Variants in ADCK1 observed in about 807,000 individuals in gnomAD.
ADCK1 encodes the protein aarF domain containing kinase 1.
Under a neutral mutation model 52.3 loss-of-function variants are expected in ADCK1, and 41 were observed. The ratio of observed to expected loss-of-function variants is 0.78; its 90% CI spans 0.61 to 1.02. The LOEUF is 1.02. Ranked by LOEUF, ADCK1 falls within the 50% of genes least tolerant of loss-of-function variation. The pLI is 0.00. For synonymous variants in ADCK1, 250 were observed against 274.6 expected (o/e 0.91, Z 0.89); for missense variants, 658 against 679.5 (o/e 0.97, Z 0.35).
chr14:77,928,554 C>T (rs1385171849), intron 9 of ADCK1, among the ~76,000 whole-genome samples: 1 of 151,866 alleles, frequency 6.6e-6, no homozygotes, highest in Non-Finnish European at 1.5e-5. Flanking sequence ...CTCTGCCTCC[C>T]AGGTTCAAGC....
rs1429502589 is a variant in ADCK1, at chr14:77,887,108, G to T, written c.441G>T (p.Gln147His). The change falls in exon 5 of 11, where the codon CAG (glutamine) becomes CAT (histidine). Residue 147 changes from glutamine (Q) to histidine (H), a missense_variant. Coordinates refer to ENST00000238561, the MANE Select transcript of ADCK1 (RefSeq NM_020421.4). ...CCCGACAGATCCATGATTTGTTCCA[G>T]AGCTTCGATGACACCCCTCTGGGGA... ...DLGKEIHDLF[Q>H]SFDDTPLGTA... 6.3e-7 allele frequency: 1 copy of T among 1,594,156 alleles called. No homozygotes were observed.
intron 7 of ADCK1, among the ~76,000 whole-genome samples, chr14:77,911,863 A>G (rs947973747): frequency 1.3e-5 from 2 of 152,096 alleles, no homozygotes; most frequent in Non-Finnish European, 2.9e-5. Flanking sequence ...AGAGACTCAG[A>G]GAGGGAAGAT....
intron 3 of ADCK1, among the ~76,000 whole-genome samples, chr14:77,854,118 A>C (rs2082367644): frequency 6.6e-6 from 1 of 152,224 alleles, no homozygotes; most frequent in South Asian, 2.1e-4. Context: ...TTTTGGAAGA[A>C]ATGTCAAGGT....
chr14:77,904,286 G>T (rs949100183), intron 6 of ADCK1, among the ~76,000 whole-genome samples: 1 of 152,228 alleles, frequency 6.6e-6, no homozygotes, highest in Non-Finnish European at 1.5e-5. Context: ...CGGAGGTGGG[G>T]TTGTGCTTCC....
At chr14:77,849,534 G>A (rs8006218) in intron 3 of ADCK1, among the ~76,000 whole-genome samples, 1 of 151,866 alleles carries the variant, frequency 6.6e-6, no homozygotes, top group South Asian at 2.1e-4. Context: ...CTTGACCTCC[G>A]GGGCTCAAGC....
intron 10 of ADCK1, among the ~76,000 whole-genome samples, chr14:77,932,433 A>G (rs1172857596): frequency 6.6e-6 from 1 of 152,294 alleles, no homozygotes; most frequent in East Asian, 1.9e-4. Context: ...TCCAGAGGAA[A>G]GAGGGTTTCA....
chr14:77,860,441 C>T (rs1258162177), intron 4 of ADCK1, among the ~76,000 whole-genome samples: 1 of 152,204 alleles, frequency 6.6e-6, no homozygotes, highest in East Asian at 1.9e-4. Flanking sequence ...CTGGCACTGA[C>T]TATTGGTCCC....
At chr14:77,847,027 A>G (rs942645268) in intron 3 of ADCK1, among the ~76,000 whole-genome samples, 1 of 152,056 alleles carries the variant, frequency 6.6e-6, no homozygotes, top group Admixed American at 6.6e-5. Flanking sequence ...TGGCACGGAG[A>G]ATGGGTCAAG....
At chr14:77,832,755 A>G (rs936433324) in intron 3 of ADCK1, among the ~76,000 whole-genome samples, 1 of 152,224 alleles carries the variant, frequency 6.6e-6, no homozygotes, top group African/African-American at 2.4e-5. Flanking sequence ...AAGCTATTGA[A>G]CAACTGCCAG....
chr14:77,852,891 ATATATATATATATATATTTTTTTTTT>A (rs1420138188), intron 3 of ADCK1, among the ~76,000 whole-genome samples: 3 of 29,128 alleles, frequency 1.0e-4, no homozygotes, highest in Non-Finnish European at 2.0e-4. Context: ...GTGTATATAT[ATATATATATATATATATTTTTTTTTT>A]TTTTTTTTTT....
rs950446552 is a variant in ADCK1, at chr14:77,933,524, TCTC to T, written c.*139_*141del. The stretch of plus-strand genomic sequence containing the variant: ...GAGTCACTGTCCATGTCACCATCCT[TCTC>T]CTCCTTTGGAATCCTCTCCGCACAC... On this transcript the variant is annotated 3_prime_UTR_variant, in exon 11 of 11. Transcript: ENST00000238561. 36 of 1,095,720 alleles carry T rather than the reference TCTC, an allele frequency of 3.3e-5. No homozygotes were observed. In the Admixed American group the frequency reaches 7.2e-4, roughly 22 times the overall value. 67.9% of individuals were successfully genotyped at this position (1,095,720 alleles called of 1,614,324 possible).
At chr14:77,922,028 C>T (rs2084074498) in intron 7 of ADCK1, among the ~76,000 whole-genome samples, 1 of 152,140 alleles carries the variant, frequency 6.6e-6, no homozygotes, top group Admixed American at 6.5e-5. Flanking sequence ...GATCAGGAGC[C>T]CTGATTGGAC....
rs190751796 is a variant in ADCK1, at chr14:77,847,610, G to A, written c.220-11466G>A. On this transcript the variant is annotated intron_variant, in intron 3 of 10. Coordinates refer to ENST00000238561, the MANE Select transcript of ADCK1 (RefSeq NM_020421.4). Reference sequence around the variant, plus strand: ...CACAAAAAACCCACTTCATACCAGGGCCAGTGAGGCAGTGAGGACCTTTGA... The same window carrying A: ...CACAAAAAACCCACTTCATACCAGGACCAGTGAGGCAGTGAGGACCTTTGA... Among the ~76,000 whole-genome samples, 7 of 152,196 alleles carry A rather than the reference G, an allele frequency of 4.6e-5. No homozygotes were observed. In the East Asian group the frequency reaches 9.7e-4, roughly 21 times the overall value.
chr14:77,932,590 G>C (rs2084366966), intron 10 of ADCK1, among the ~76,000 whole-genome samples: 4 of 152,158 alleles, frequency 2.6e-5, no homozygotes, highest in Admixed American at 2.6e-4. Flanking sequence ...CTGGTGAAAG[G>C]AGATTTGACC....
At chr14:77,890,765 G>A (rs2083266997) in intron 5 of ADCK1, among the ~76,000 whole-genome samples, 2 of 152,326 alleles carry the variant, frequency 1.3e-5, no homozygotes, top group East Asian at 1.9e-4. Context: ...ACTCAAGAAA[G>A]TGGAGACTCT....
intron 7 of ADCK1, among the ~76,000 whole-genome samples, chr14:77,922,038 C>A (rs967567500): frequency 1.3e-5 from 2 of 152,206 alleles, no homozygotes; most frequent in Non-Finnish European, 2.9e-5. Flanking sequence ...CCTGATTGGA[C>A]CTTATATGTG....
At chr14:77,847,206 T>G (rs1594928443) in intron 3 of ADCK1, among the ~76,000 whole-genome samples, 1 of 150,212 alleles carries the variant, frequency 6.7e-6, no homozygotes, top group South Asian at 2.1e-4. Context: ...GGGTAGAGAG[T>G]GAGGTGGGGA....
chr14:77,912,433 CGT>C (rs57555913), intron 7 of ADCK1, among the ~76,000 whole-genome samples: 38,825 of 137,918 alleles, frequency 0.28, 5,283 homozygotes, highest in South Asian at 0.37. Flanking sequence ...TACGGAGGAG[CGT>C]GTGTGTGTGT....
intron 10 of ADCK1, among the ~76,000 whole-genome samples, chr14:77,932,962 T>G (rs767949144): frequency 1.3e-5 from 2 of 152,222 alleles, no homozygotes; most frequent in African/African-American, 2.4e-5. Context: ...CCCAATGGGT[T>G]TATTAGACCA....
Sources: gnomAD v4.1 joint callset for allele counts (sites outside exome capture counted in the v4.1 genomes callset) on GRCh38, gnomAD v4.1.1 for gene constraint, MANE v1.5 for transcripts, NCBI Gene and HGNC (gene_info 2026-07-23, HGNC 2026-07-21) for gene names.